NALF1: variants seen among roughly 807,000 people sequenced by gnomAD.
NALF1 encodes family with sequence similarity 155 member A.
A neutral mutation model predicts 48.4 loss-of-function variants in NALF1; 3 were observed. The ratio of observed to expected loss-of-function variants is 0.06; its 90% CI spans 0.03 to 0.16. NALF1 has a LOEUF of 0.16. NALF1 is among the 10% of genes least tolerant of loss of function. NALF1 has a pLI of 1.00. For missense variants in NALF1, 526 were observed against 571.5 expected (o/e 0.92, Z 0.81); for synonymous variants, 262 against 245.7 (o/e 1.07, Z -0.62).
At chr13:107,476,276 A>G (rs1435203081) in intron 1 of NALF1, among the ~76,000 whole-genome samples, 2 of 152,142 alleles carry the variant, frequency 1.3e-5, no homozygotes, top group Non-Finnish European at 2.9e-5. Context: ...GGCGGTGATT[A>G]TAAAATAAAA....
At chr13:107,397,717 T>A (rs574878266) in intron 1 of NALF1, among the ~76,000 whole-genome samples, 1 of 152,078 alleles carries the variant, frequency 6.6e-6, no homozygotes, top group Non-Finnish European at 1.5e-5. Context: ...GAATAACCTA[T>A]TATAGTTTCC....
At chr13:107,359,748 G>A (rs1883028208) in intron 1 of NALF1, among the ~76,000 whole-genome samples, 2 of 152,060 alleles carry the variant, frequency 1.3e-5, no homozygotes, top group Non-Finnish European at 2.9e-5. Flanking sequence ...AAATCAAAGA[G>A]CGCTTAAGGG....
chr13:107,193,707 GC>G (rs1009210758), intron 2 of NALF1, among the ~76,000 whole-genome samples: 10 of 152,144 alleles, frequency 6.6e-5, no homozygotes, highest in Admixed American at 4.6e-4. Flanking sequence ...TGGGCATGCA[GC>G]CCAAGTCAAG....
At chr13:107,830,293 T>A (rs1017485389) in intron 1 of NALF1, among the ~76,000 whole-genome samples, 2 of 152,226 alleles carry the variant, frequency 1.3e-5, no homozygotes, top group African/African-American at 4.8e-5. Flanking sequence ...TTTATTTGAA[T>A]ATATTAAGAA....
At chr13:107,635,893 C>T (rs1314782249) in intron 1 of NALF1, among the ~76,000 whole-genome samples, 2 of 152,044 alleles carry the variant, frequency 1.3e-5, no homozygotes, top group African/African-American at 4.8e-5. Flanking sequence ...TCTTCTATAG[C>T]TTATTCAGTT....
chr13:107,750,169 G>A (rs1341367), intron 1 of NALF1, among the ~76,000 whole-genome samples: 9,647 of 152,158 alleles, frequency 0.063, 434 homozygotes, highest in South Asian at 0.15. Context: ...GTGCATGGTC[G>A]CCACTTGCCC....
intron 2 of NALF1, among the ~76,000 whole-genome samples, chr13:107,175,238 A>C (rs956209945): frequency 1.3e-5 from 2 of 151,990 alleles, no homozygotes; most frequent in Non-Finnish European, 1.5e-5. Flanking sequence ...CCAGGAAGAA[A>C]TATGCCCCCA....
At chr13:107,580,076 A>C (rs1301869715) in intron 1 of NALF1, among the ~76,000 whole-genome samples, 2 of 152,122 alleles carry the variant, frequency 1.3e-5, no homozygotes, top group Admixed American at 1.3e-4. Flanking sequence ...GACTGGATTA[A>C]GAAAATGTGG....
intron 1 of NALF1, among the ~76,000 whole-genome samples, chr13:107,624,948 G>A (rs1036527373): frequency 5.3e-5 from 8 of 152,180 alleles, no homozygotes; most frequent in African/African-American, 1.7e-4. Context: ...CTAACCCGTA[G>A]ACATTTCCAA....
intron 2 of NALF1, among the ~76,000 whole-genome samples, chr13:107,175,263 A>T (rs180746919): frequency 6.6e-6 from 1 of 151,918 alleles, no homozygotes; most frequent in Admixed American, 6.6e-5. Context: ...CTGGGATGGG[A>T]GTAGGGAATG....
At chr13:107,262,758 A>C (rs1880954732) in intron 1 of NALF1, among the ~76,000 whole-genome samples, 1 of 108,078 alleles carries the variant, frequency 9.3e-6, no homozygotes, top group African/African-American at 4.0e-5. Context: ...TAAGTTGCAT[A>C]ACCCACAGGC....
At chr13:107,490,912 C>T (rs905255732) in intron 1 of NALF1, among the ~76,000 whole-genome samples, 1 of 152,158 alleles carries the variant, frequency 6.6e-6, no homozygotes, top group African/African-American at 2.4e-5. Flanking sequence ...AACCTTCCAG[C>T]AACAAGGACA....
intron 1 of NALF1, among the ~76,000 whole-genome samples, chr13:107,247,956 T>G (rs1880616970): frequency 6.6e-6 from 1 of 152,096 alleles, no homozygotes; most frequent in Admixed American, 6.5e-5. Flanking sequence ...TTATGGTGGC[T>G]TAGCAAAGAC....
chr13:107,216,757 G>A (rs533698540), intron 1 of NALF1, among the ~76,000 whole-genome samples: 19 of 152,118 alleles, frequency 1.2e-4, no homozygotes, highest in Non-Finnish European at 2.2e-4. Context: ...GCCCATCCAC[G>A]CCAGCATCCC....
chr13:107,350,128 T>C (rs1286988382), intron 1 of NALF1, among the ~76,000 whole-genome samples: 1 of 152,200 alleles, frequency 6.6e-6, no homozygotes, highest in African/African-American at 2.4e-5. Flanking sequence ...GCTGCTCACC[T>C]CTTGCTATGC....
chr13:107,690,197 A>T (rs951439314), intron 1 of NALF1, among the ~76,000 whole-genome samples: 7 of 152,240 alleles, frequency 4.6e-5, no homozygotes, highest in African/African-American at 1.7e-4. Context: ...ACTGTTATCC[A>T]GTTCTGCTGT....
rs369795793 is a variant in NALF1 at position 107,583,278 on chromosome 13, A to G, written c.915+282404T>C. ...ATGCATATGTATTTTTGCAAGAATG[A>G]GTTTAATGATACGCTTCTCCACTTC... On this transcript the variant is annotated intron_variant, in intron 1 of 2. Coordinates refer to ENST00000375915, the MANE Select transcript of NALF1 (RefSeq NM_001080396.3). Among the ~76,000 whole-genome samples the G allele has an allele frequency of 3.9e-5, 6 of 152,102 alleles. No individual in the cohort carries two copies. The East Asian group carries it at 1.2e-3, about 29-fold the overall frequency.
At chr13:107,282,485 T>C (rs1005547894) in intron 1 of NALF1, among the ~76,000 whole-genome samples, 5 of 152,200 alleles carry the variant, frequency 3.3e-5, no homozygotes, top group African/African-American at 1.2e-4. Context: ...AGGTGGCCAC[T>C]AGTGAATCTG....
intron 1 of NALF1, among the ~76,000 whole-genome samples, chr13:107,217,473 C>G (rs559599641): frequency 1.3e-5 from 2 of 152,320 alleles, no homozygotes; most frequent in Non-Finnish European, 2.9e-5. Context: ...AACCGTCCAT[C>G]CTCGTGATTC....
Sources: allele counts gnomAD v4.1 joint callset (sites outside exome capture counted in the v4.1 genomes callset), GRCh38; gene constraint gnomAD v4.1.1; transcripts MANE v1.5; gene names NCBI Gene and HGNC (gene_info 2026-07-23, HGNC 2026-07-21).